Variants in DENND2B observed in about 807,000 individuals in gnomAD.
DENND2B encodes DENN domain containing 2B.
A neutral mutation model predicts 116.0 loss-of-function variants in DENND2B; 32 were observed. The ratio of observed to expected loss-of-function variants is 0.28; its 90% CI spans 0.21 to 0.37. The LOEUF (loss-of-function observed/expected upper bound fraction) is 0.37, where lower values mean the gene tolerates loss of function less well. DENND2B is among the 10% of genes least tolerant of loss of function. The pLI, the probability that DENND2B is intolerant of heterozygous loss-of-function variation, is 1.00. For missense variants in DENND2B, 1,276 were observed against 1,477.7 expected (o/e 0.86, Z 2.24); for synonymous variants, 588 against 583.9 (o/e 1.01, Z -0.10).
At chr11:8,813,591 TA>T (rs1455467372), upstream of DENND2B, among the ~76,000 whole-genome samples, 3 of 152,132 alleles carry the variant, frequency 2.0e-5, no homozygotes, top group Non-Finnish European at 4.4e-5. Flanking sequence ...AATAATACAG[TA>T]GTAACATCAG....
intron 2 of DENND2B, among the ~76,000 whole-genome samples, chr11:8,880,773 C>T (rs2063896461): frequency 6.6e-6 from 1 of 152,128 alleles, no homozygotes; most frequent in Non-Finnish European, 1.5e-5. Context: ...CTCAACAATC[C>T]TTTTATTCCT....
chr11:8,753,433 C>T (rs982455603), intron 1 of DENND2B, among the ~76,000 whole-genome samples: 1 of 152,076 alleles, frequency 6.6e-6, no homozygotes, highest in African/African-American at 2.4e-5. Context: ...AATGAAAAGA[C>T]ATACCATATT....
chr11:8,870,664 G>C (rs1416639782), intron 2 of DENND2B, among the ~76,000 whole-genome samples: 1 of 151,824 alleles, frequency 6.6e-6, no homozygotes, highest in Non-Finnish European at 1.5e-5. Flanking sequence ...GTCTCCGCTC[G>C]GCACCAGGCA....
intron 3 of DENND2B, among the ~76,000 whole-genome samples, chr11:8,846,101 G>A (rs1201581669): frequency 1.3e-5 from 2 of 152,158 alleles, no homozygotes; most frequent in African/African-American, 2.4e-5. Context: ...ATGGTCCACA[G>A]AGCAACACAG....
At position 8,727,309 on chromosome 11, in the gene DENND2B, T is replaced by C. The variant is rs181226845; in HGVS notation, c.1341-1100A>G. ...GAGTCCTAGGGTGTAGGTAAAGGGC[T>C]AAAAGTGTCCTGAAGGCTACAGCTT... On this transcript the variant is annotated intron_variant, in intron 3 of 19. Coordinates refer to ENST00000313726, the MANE Select transcript of DENND2B (RefSeq NM_213618.2). Among the ~76,000 whole-genome samples, 82 of 152,280 alleles carry C rather than the reference T, an allele frequency of 5.4e-4. 1 individual carries two copies. Among genetic ancestry groups the C allele is most frequent in the African/African-American group, 1.8e-3 (76 of 41,546 alleles).
chr11:8,696,727 C>G, intron 17 of DENND2B, 61 bp from the exon 18 acceptor site: 1 of 1,591,988 alleles, frequency 6.3e-7, no homozygotes, highest in Non-Finnish European at 8.6e-7. Flanking sequence ...CTTCCTCAAT[C>G]TTCCTGGTGT....
Position 8,696,483 on chromosome 11 carries a change from G to C in DENND2B, c.3236C>G (p.Ser1079Cys). 1.9e-6 allele frequency: 3 copies of C among 1,614,128 alleles called. No individual in the cohort carries two copies. The highest frequency in any genetic ancestry group is 2.5e-6 in the Non-Finnish European group (3 of 1,180,032). ...IRRFLEVFMESQMFAGFIQDR... is the reference protein window; with the variant it reads ...IRRFLEVFMECQMFAGFIQDR... ...TTGGATGAAGCCAGCAAACATCTGAGACTCCATAAAAACCTCAAGAAAGCG... is the reference window on the plus strand; with the variant it reads ...TTGGATGAAGCCAGCAAACATCTGACACTCCATAAAAACCTCAAGAAAGCG... Residue 1079 changes from serine (S) to cysteine (C), a missense_variant, in exon 18 of 20, where the codon TCT becomes TGT. Around this residue, in one of 2 missense-constraint regions of DENND2B, gnomAD observed 420 missense variants for 631.1 expected, o/e 0.67. Transcript: ENST00000313726.
At chr11:8,757,678 G>A (rs955203410) in intron 1 of DENND2B, among the ~76,000 whole-genome samples, 1 of 152,190 alleles carries the variant, frequency 6.6e-6, no homozygotes, top group Non-Finnish European at 1.5e-5. Flanking sequence ...TAACAACCCT[G>A]TGAGGTGGGT....
intron 1 of DENND2B, among the ~76,000 whole-genome samples, chr11:8,802,628 C>T (rs983433928): frequency 4.6e-5 from 7 of 152,166 alleles, no homozygotes; most frequent in Non-Finnish European, 1.5e-5. Context: ...CACAGATTTG[C>T]GTCTGGGCAC....
At chr11:8,779,783 C>T (rs775843765) in intron 1 of DENND2B, among the ~76,000 whole-genome samples, 10 of 152,174 alleles carry the variant, frequency 6.6e-5, no homozygotes, top group East Asian at 1.9e-4. Context: ...CCGAAGTGCT[C>T]GGATTACAGG....
intron 11 of DENND2B, chr11:8,708,070 G>A: frequency 3.4e-6 from 5 of 1,477,464 alleles, no homozygotes; most frequent in Non-Finnish European, 4.5e-6. Flanking sequence ...CCCAGCACCA[G>A]GTACCAGGCT....
intron 1 of DENND2B, among the ~76,000 whole-genome samples, chr11:8,783,619 C>T (rs1041313440): frequency 1.3e-5 from 2 of 152,098 alleles, no homozygotes; most frequent in East Asian, 3.8e-4. Context: ...TACTTTCTTC[C>T]TAATATTTTT....
chr11:8,744,535 A>G (rs2050880178), intron 2 of DENND2B, among the ~76,000 whole-genome samples: 1 of 152,220 alleles, frequency 6.6e-6, no homozygotes, highest in South Asian at 2.1e-4. Flanking sequence ...TATTATGGGC[A>G]TGAAGCAGAT....
chr11:8,700,443 C>G (rs1369555671), intron 14 of DENND2B, among the ~76,000 whole-genome samples: 3 of 152,202 alleles, frequency 2.0e-5, no homozygotes, highest in Non-Finnish European at 2.9e-5. Context: ...GGTTTTTCTT[C>G]CTCCTTTCTT....
chr11:8,728,190 G>T (rs1448989850), intron 3 of DENND2B, among the ~76,000 whole-genome samples: 3 of 152,170 alleles, frequency 2.0e-5, no homozygotes, highest in Non-Finnish European at 4.4e-5. Context: ...TTTTTGTAGA[G>T]ATGAGGTCTC....
At chr11:8,904,965 T>A (rs927104760) in intron 1 of DENND2B, among the ~76,000 whole-genome samples, 1 of 152,174 alleles carries the variant, frequency 6.6e-6, no homozygotes, top group Admixed American at 6.5e-5. Context: ...ATTGTTAAGA[T>A]TGCAATTCTT....
intron 1 of DENND2B, among the ~76,000 whole-genome samples, chr11:8,792,142 T>C (rs894195382): frequency 6.6e-6 from 1 of 151,004 alleles, no homozygotes; most frequent in African/African-American, 2.4e-5. Flanking sequence ...GAGGCAGAGG[T>C]TGCAGTAAGC....
At chr11:8,718,398 G>T in intron 4 of DENND2B, 1 of 1,533,246 alleles carries the variant, frequency 6.5e-7, no homozygotes, top group Non-Finnish European at 8.7e-7. Context: ...GAACCGTAGG[G>T]AGCAGGGCTT....
chr11:8,899,954 G>A (rs934425601), intron 1 of DENND2B, among the ~76,000 whole-genome samples: 3 of 152,060 alleles, frequency 2.0e-5, no homozygotes. Context: ...GAGTTATATT[G>A]GACAGAAGTG....
Sources: allele counts gnomAD v4.1 joint callset (sites outside exome capture counted in the v4.1 genomes callset), GRCh38; gene constraint gnomAD v4.1.1; regional missense constraint gnomAD v4.1.1; transcripts MANE v1.5; gene names NCBI Gene and HGNC (gene_info 2026-07-23, HGNC 2026-07-21).